TRIM44: variants seen among roughly 807,000 people sequenced by gnomAD.
TRIM44 encodes tripartite motif-containing protein 44.
TRIM44 carries 13 observed loss-of-function variants against 37.4 expected under a neutral mutation model. The observed-to-expected ratio is 0.35, with a 90% confidence interval of 0.23 to 0.55. The LOEUF (loss-of-function observed/expected upper bound fraction) is 0.55. Ranked by LOEUF, TRIM44 falls within the 20% of genes least tolerant of loss-of-function variation. The pLI, the probability that TRIM44 is intolerant of heterozygous loss-of-function variation, is 0.89. For synonymous variants in TRIM44, 175 were observed against 157.2 expected (o/e 1.11, Z -0.85); for missense variants, 426 against 437.2 (o/e 0.97, Z 0.23).
intron 2 of TRIM44, among the ~76,000 whole-genome samples, chr11:35,708,127 A>G (rs1851913733): frequency 6.6e-6 from 1 of 151,320 alleles, no homozygotes; most frequent in South Asian, 2.1e-4. Flanking sequence ...AAAAGAAGAC[A>G]TTCATGCAGC....
chr11:35,777,515 T>C (rs1236592095), intron 4 of TRIM44, among the ~76,000 whole-genome samples: 1 of 152,190 alleles, frequency 6.6e-6, no homozygotes, highest in Admixed American at 6.5e-5. Flanking sequence ...GCTGGTTATT[T>C]TGCTCGTTAG....
intron 1 of TRIM44, among the ~76,000 whole-genome samples, chr11:35,673,617 G>C (rs773558799): frequency 2.0e-5 from 3 of 152,194 alleles, no homozygotes; most frequent in African/African-American, 4.8e-5. Flanking sequence ...ACTTTTGAGA[G>C]AAAAGGTCCA....
At position 35,709,419 on chromosome 11, in the gene TRIM44, G is replaced by A. The variant is rs115157823; in HGVS notation, c.748-16505G>A. Among the ~76,000 whole-genome samples, 415 of 152,040 alleles carry A rather than the reference G, an allele frequency of 2.7e-3. 3 individuals are homozygous for A. Among genetic ancestry groups the A allele is most frequent in the African/African-American group, 9.6e-3 (397 of 41,364 alleles). ...AAGTGGGCAAGAAAAATGAAACAAA[G>A]GGATGAAACAAAAAAATCCTTGCAA... is the stretch of plus-strand genomic sequence containing the variant. On this transcript the variant is annotated intron_variant, in intron 2 of 4. Coordinates refer to ENST00000299413, the MANE Select transcript of TRIM44 (RefSeq NM_017583.6).
At chr11:35,739,333 G>T (rs1852363136) in intron 4 of TRIM44, among the ~76,000 whole-genome samples, 1 of 152,166 alleles carries the variant, frequency 6.6e-6, no homozygotes, top group Non-Finnish European at 1.5e-5. Flanking sequence ...GTAAGTGGCA[G>T]AGCTATGACT....
chr11:35,676,497 C>T (rs1238602363), intron 1 of TRIM44, among the ~76,000 whole-genome samples: 1 of 152,212 alleles, frequency 6.6e-6, no homozygotes, highest in Non-Finnish European at 1.5e-5. Flanking sequence ...GTGCCTTATG[C>T]ACTAGCTAAC....
intron 2 of TRIM44, among the ~76,000 whole-genome samples, chr11:35,705,908 A>C (rs889065035): frequency 4.0e-5 from 6 of 148,816 alleles, no homozygotes; most frequent in African/African-American, 1.5e-4. Context: ...AAATAACTAA[A>C]ATCAGAGCAG....
At chr11:35,689,934 A>T (rs1397577030) in intron 2 of TRIM44, among the ~76,000 whole-genome samples, 1 of 152,164 alleles carries the variant, frequency 6.6e-6, no homozygotes, top group African/African-American at 2.4e-5. Flanking sequence ...TTTCCCTCTG[A>T]TATGCACTGT....
intron 4 of TRIM44, among the ~76,000 whole-genome samples, chr11:35,756,034 C>A (rs1339823808): frequency 6.7e-5 from 10 of 148,858 alleles, no homozygotes; most frequent in Non-Finnish European, 1.0e-4. Flanking sequence ...TTTTCCAATT[C>A]TGTGAAGAAA....
At chr11:35,732,474 A>G (rs1852274162) in intron 3 of TRIM44, among the ~76,000 whole-genome samples, 1 of 152,226 alleles carries the variant, frequency 6.6e-6, no homozygotes, top group Non-Finnish European at 1.5e-5. Flanking sequence ...GCTTACCTAT[A>G]TCTTGAATAA....
chr11:35,811,876 A>G lies in TRIM44; in HGVS notation c.*5491A>G, dbSNP rs1853530650. ...CCAAGAGAGGGAGATAAGTCACTCA[A>G]GGTCACCCAACAAGCCAGGCTGGTA... On this transcript the variant is annotated 3_prime_UTR_variant, in exon 5 of 5. Transcript: ENST00000299413. 6.6e-6 allele frequency: 1 copy of G among 152,170 alleles called. No homozygotes were observed. Among genetic ancestry groups the G allele is most frequent in the South Asian group, 2.1e-4 (1 of 4,824 alleles). 9.4% of individuals were successfully genotyped at this position (152,170 alleles called of 1,614,324 possible). A position where few individuals can be genotyped will look rare whatever the true frequency, so the allele number is the denominator to read the frequency against.
At chr11:35,699,125 T>C (rs1450728160) in intron 2 of TRIM44, among the ~76,000 whole-genome samples, 8 of 147,672 alleles carry the variant, frequency 5.4e-5, no homozygotes. Flanking sequence ...GAGGGTTCTG[T>C]TCTGTTCCAT....
Position 35,663,396 on chromosome 11 carries a change from A to G in TRIM44, c.285A>G (p.Ala95=). Residue 95 remains alanine (A), a synonymous_variant, in exon 1 of 5, where the codon GCA becomes GCG. Transcript: ENST00000299413. The stretch of plus-strand genomic sequence containing the variant: ...AGGAGAGGGAGATAGAAAGCGAGGC[A>G]GGGGAAGAGAGTGAGTCGGAGGAAG... ...VEQEREIESE[A]GEESESEEES... 1.2e-6 allele frequency: 2 copies of G among 1,600,748 alleles called. No individual in the cohort carries two copies. The highest frequency in any genetic ancestry group is 1.7e-6 in the Non-Finnish European group (2 of 1,173,052).
In TRIM44 at chr11:35,799,577, C is replaced by T. The variant is rs1565037303; in HGVS notation, c.1008-6781C>T. 2.0e-5 allele frequency among the ~76,000 whole-genome samples: 3 copies of T among 152,202 alleles called. No individual in the cohort carries two copies. In the South Asian group the frequency reaches 6.2e-4, roughly 31 times the overall value. On this transcript the variant is annotated intron_variant, in intron 4 of 4. Transcript: ENST00000299413. ...TTGCCTCAGAAAACTTCAGAAAAGACAGGCTCATCTCTTACCCAAGTTCAG... is the reference window on the plus strand; with the variant it reads ...TTGCCTCAGAAAACTTCAGAAAAGATAGGCTCATCTCTTACCCAAGTTCAG...
intron 2 of TRIM44, among the ~76,000 whole-genome samples, chr11:35,707,044 T>C (rs1851895243): frequency 6.6e-6 from 1 of 152,224 alleles, no homozygotes. Flanking sequence ...CTCCTTAAGC[T>C]GATAAGCAAC....
At chr11:35,772,699 A>T (rs948076907) in intron 4 of TRIM44, among the ~76,000 whole-genome samples, 1 of 152,146 alleles carries the variant, frequency 6.6e-6, no homozygotes, top group Non-Finnish European at 1.5e-5. Context: ...CACAGGTAGA[A>T]CTCAGTGTGC....
chr11:35,787,407 G>T (rs898717515), intron 4 of TRIM44, among the ~76,000 whole-genome samples: 1 of 152,156 alleles, frequency 6.6e-6, no homozygotes, highest in Non-Finnish European at 1.5e-5. Flanking sequence ...ACCACAAGGC[G>T]AATGGAATGC....
chr11:35,697,557 C>T (rs1177335475), intron 2 of TRIM44, among the ~76,000 whole-genome samples: 1 of 151,362 alleles, frequency 6.6e-6, no homozygotes, highest in East Asian at 2.0e-4. Flanking sequence ...CACCCATTAA[C>T]TGGTCATTTA....
At chr11:35,780,177 G>T (rs1018876262) in intron 4 of TRIM44, among the ~76,000 whole-genome samples, 1 of 151,948 alleles carries the variant, frequency 6.6e-6, no homozygotes, top group African/African-American at 2.4e-5. Context: ...TGAATACCTT[G>T]CAGGATGAGA....
At chr11:35,667,449 A>G (rs974147919) in intron 1 of TRIM44, among the ~76,000 whole-genome samples, 10 of 152,314 alleles carry the variant, frequency 6.6e-5, no homozygotes, top group South Asian at 6.2e-4. Context: ...AGCTCACTGT[A>G]ATCTCAAATT....
Sources: allele counts gnomAD v4.1 joint callset (sites outside exome capture counted in the v4.1 genomes callset), GRCh38; gene constraint gnomAD v4.1.1; transcripts MANE v1.5; gene names NCBI Gene and HGNC (gene_info 2026-07-23, HGNC 2026-07-21).